The following MYT1L variants were observed in gnomAD, a reference collection of about 807,000 sequenced individuals.
MYT1L encodes myelin transcription factor 1 like, also known as myelin transcription factor 1-like protein.
A neutral mutation model predicts 126.7 loss-of-function variants in MYT1L; 12 were observed. The observed-to-expected ratio is 0.09, with a 90% confidence interval of 0.06 to 0.15. The LOEUF is 0.15. Ranked by LOEUF, MYT1L falls within the 10% of genes least tolerant of loss-of-function variation. The probability of loss-of-function intolerance (pLI) is 1.00; values close to 1 mark genes in which losing one functional copy is unlikely to be tolerated. For synonymous variants in MYT1L, 541 were observed against 604.2 expected (o/e 0.90, Z 1.53); for missense variants, 979 against 1,585.2 (o/e 0.62, Z 6.49).
chr2:2,279,785 C>T (rs752661723), intron 2 of MYT1L, among the ~76,000 whole-genome samples: 1 of 152,142 alleles, frequency 6.6e-6, no homozygotes, highest in African/African-American at 2.4e-5. Flanking sequence ...TTAATGTATA[C>T]CCTCAAGCGG....
chr2:1,946,703 C>G (rs2057262017), intron 8 of MYT1L, among the ~76,000 whole-genome samples: 1 of 152,160 alleles, frequency 6.6e-6, no homozygotes, highest in Non-Finnish European at 1.5e-5. Flanking sequence ...CATCTATAGT[C>G]TACATAACAT....
At position 1,813,517 on chromosome 2, in the gene MYT1L, C is replaced by T. The variant is rs978309716; in HGVS notation, c.3081-4350G>A. On this transcript the variant is annotated intron_variant, in intron 21 of 24. Transcript: ENST00000647738. ...GGCCGTGGCCTGTGAGGAACCGGGCCGTACAGGTGGAGGTGGGCAGTGGGC... is the reference window on the plus strand; with the variant it reads ...GGCCGTGGCCTGTGAGGAACCGGGCTGTACAGGTGGAGGTGGGCAGTGGGC... Among the ~76,000 whole-genome samples, 8 of 152,152 alleles carry T rather than the reference C, an allele frequency of 5.3e-5. 1 individual carries two copies. The highest frequency in any genetic ancestry group is 1.9e-4 in the African/African-American group (8 of 41,456).
intron 3 of MYT1L, among the ~76,000 whole-genome samples, chr2:2,067,424 G>A (rs2074014794): frequency 6.6e-6 from 1 of 152,082 alleles, no homozygotes; most frequent in South Asian, 2.1e-4. Context: ...AATTTAAGAT[G>A]GATTAAGGAG....
intron 23 of MYT1L, among the ~76,000 whole-genome samples, chr2:1,798,287 C>T (rs962929482): frequency 6.6e-6 from 1 of 152,142 alleles, no homozygotes. Flanking sequence ...CTTCCCCATC[C>T]GGCACAGGTG....
Position 1,839,178 on chromosome 2 carries a change from G to A in MYT1L, c.3051C>T (p.His1017=), listed in dbSNP as rs780283037. 6.8e-6 allele frequency: 11 copies of A among 1,613,010 alleles called. No homozygotes were observed. The highest frequency in any genetic ancestry group is 4.0e-5 in the African/African-American group (3 of 74,954). The change falls in exon 21 of 25, where the codon CAC becomes CAT. Residue 1017 remains histidine (H), a synonymous_variant. Transcript: ENST00000647738. ...CPTPGCDGSG[H]VSGSFLTHRS... is the part of the protein sequence containing the mutation. ...GGTGTGTGAGGAAGCTGCCGCTGAC[G>A]TGGCCTGAGCCGTCGCATCCTGGCG...
intron 1 of MYT1L, among the ~76,000 whole-genome samples, chr2:2,285,863 C>T (rs1471290084): frequency 1.3e-5 from 2 of 152,228 alleles, no homozygotes; most frequent in African/African-American, 2.4e-5. Context: ...GCATGCCTAG[C>T]AGGGGTTCAA....
chr2:1,841,106 C>T (rs1298399468), intron 19 of MYT1L: 19 of 321,332 alleles, frequency 5.9e-5, no homozygotes, highest in East Asian at 2.3e-4. Flanking sequence ...GGGGTTTCAC[C>T]GTGTTAGCCA....
At chr2:2,220,163 T>C (rs1454840170) in intron 2 of MYT1L, among the ~76,000 whole-genome samples, 1 of 152,202 alleles carries the variant, frequency 6.6e-6, no homozygotes, top group East Asian at 1.9e-4. Flanking sequence ...TGAGTGACCA[T>C]GGCACGTGAC....
intron 9 of MYT1L, among the ~76,000 whole-genome samples, chr2:1,934,765 C>T (rs1030344336): frequency 1.3e-4 from 20 of 151,532 alleles, no homozygotes; most frequent in African/African-American, 4.8e-4. Flanking sequence ...CACACACACA[C>T]ACACAGGCAC....
chr2:2,107,194 G>A (rs1288196177), intron 3 of MYT1L, among the ~76,000 whole-genome samples: 4 of 152,216 alleles, frequency 2.6e-5, no homozygotes, highest in Non-Finnish European at 4.4e-5. Context: ...AGACTGAGAC[G>A]TGGGTTTGGG....
At chr2:2,113,338 C>CA (rs983318631) in intron 3 of MYT1L, among the ~76,000 whole-genome samples, 2 of 152,110 alleles carry the variant, frequency 1.3e-5, no homozygotes, top group African/African-American at 4.8e-5. Context: ...GATCCAGGTG[C>CA]AAAAACAAAG....
intron 3 of MYT1L, among the ~76,000 whole-genome samples, chr2:2,077,706 CA>C (rs1378733760): frequency 3.3e-5 from 5 of 152,078 alleles, no homozygotes; most frequent in Non-Finnish European, 7.4e-5. Context: ...GAAAGACTAT[CA>C]ATAAAGTTCT....
At chr2:2,080,827 T>A (rs764067852) in intron 3 of MYT1L, among the ~76,000 whole-genome samples, 1 of 152,214 alleles carries the variant, frequency 6.6e-6, no homozygotes, top group Non-Finnish European at 1.5e-5. Context: ...CTTTAACATG[T>A]GACACAGCAA....
At chr2:1,886,252 C>A in intron 18 of MYT1L, 1 of 310,714 alleles carries the variant, frequency 3.2e-6, no homozygotes, top group Non-Finnish European at 5.8e-6. Flanking sequence ...ATTTCCCTTC[C>A]ATATGCATGC....
chr2:1,871,851 A>G (rs907769649), intron 18 of MYT1L, among the ~76,000 whole-genome samples: 1 of 152,294 alleles, frequency 6.6e-6, no homozygotes, highest in South Asian at 2.1e-4. Context: ...TCAGGATTCA[A>G]ACCAAAATTG....
chr2:2,049,968 T>C (rs1485311337), intron 4 of MYT1L, among the ~76,000 whole-genome samples: 1 of 151,954 alleles, frequency 6.6e-6, no homozygotes, highest in Non-Finnish European at 1.5e-5. Context: ...TGTATATATA[T>C]ATATATAAAT....
chr2:1,830,793 G>C (rs558570966), intron 21 of MYT1L, among the ~76,000 whole-genome samples: 2 of 147,942 alleles, frequency 1.4e-5, no homozygotes, highest in South Asian at 4.3e-4. Context: ...GGGAACTGTG[G>C]AGTGTGCCTT....
intron 21 of MYT1L, among the ~76,000 whole-genome samples, chr2:1,815,221 C>A (rs1390526252): frequency 6.6e-6 from 1 of 152,168 alleles, no homozygotes; most frequent in African/African-American, 2.4e-5. Flanking sequence ...TGGTTGAGAG[C>A]CCGAGGTGAG....
At chr2:1,832,204 T>C (rs973349058) in intron 21 of MYT1L, among the ~76,000 whole-genome samples, 21 of 152,002 alleles carry the variant, frequency 1.4e-4, no homozygotes, top group African/African-American at 4.3e-4. Flanking sequence ...TGAGAGGAGA[T>C]GCCAGCGAGC....
Sources: allele counts gnomAD v4.1 joint callset (sites outside exome capture counted in the v4.1 genomes callset), GRCh38; gene constraint gnomAD v4.1.1; transcripts MANE v1.5; gene names NCBI Gene and HGNC (gene_info 2026-07-23, HGNC 2026-07-21).